Variants in ADAM12 observed in about 807,000 individuals in gnomAD.
The protein encoded by ADAM12 is disintegrin and metalloproteinase domain-containing protein 12.
ADAM12 carries 70 observed loss-of-function variants against 106.4 expected under a neutral mutation model. The ratio of observed to expected loss-of-function variants is 0.66; its 90% CI spans 0.54 to 0.80. The LOEUF (loss-of-function observed/expected upper bound fraction) is 0.80, where lower values mean the gene tolerates loss of function less well. Ranked by LOEUF, ADAM12 falls within the 30% of genes least tolerant of loss-of-function variation. The probability of loss-of-function intolerance (pLI) is 0.00; values close to 1 mark genes in which losing one functional copy is unlikely to be tolerated. For synonymous variants in ADAM12, 420 were observed against 433.5 expected, an observed-to-expected ratio of 0.97 and a Z score of 0.39; for missense variants, 1,010 against 1,171.9, an observed-to-expected ratio of 0.86 and a Z score of 2.02.
intron 3 of ADAM12, among the ~76,000 whole-genome samples, chr10:126,219,506 T>C (rs1001623301): frequency 2.0e-5 from 3 of 152,212 alleles, no homozygotes; most frequent in Non-Finnish European, 4.4e-5. Flanking sequence ...CCACATTTTA[T>C]AGAGAAAAGG....
At chr10:126,257,671 T>C (rs1263837431) in intron 3 of ADAM12, among the ~76,000 whole-genome samples, 3 of 152,168 alleles carry the variant, frequency 2.0e-5, no homozygotes, top group Non-Finnish European at 4.4e-5. Flanking sequence ...AATCGCTTCA[T>C]GAAATAACTT....
At chr10:126,035,483 G>C (rs2133397031) in intron 21 of ADAM12, among the ~76,000 whole-genome samples, 1 of 152,206 alleles carries the variant, frequency 6.6e-6, no homozygotes, top group East Asian at 1.9e-4. Context: ...ATATAAAACT[G>C]TGTACAAATA....
chr10:126,357,501 T>C (rs1183979422), intron 1 of ADAM12, among the ~76,000 whole-genome samples: 2 of 152,198 alleles, frequency 1.3e-5, no homozygotes, highest in African/African-American at 4.8e-5. Flanking sequence ...CAGAACCTGA[T>C]GGCTTCTGTA....
At chr10:126,268,275 T>C (rs1959139624) in intron 3 of ADAM12, among the ~76,000 whole-genome samples, 1 of 152,266 alleles carries the variant, frequency 6.6e-6, no homozygotes, top group African/African-American at 2.4e-5. Context: ...CATAATGTCT[T>C]CAAAGTTCAT....
At chr10:126,119,606 T>C (rs1956048404) in intron 5 of ADAM12, among the ~76,000 whole-genome samples, 1 of 152,102 alleles carries the variant, frequency 6.6e-6, no homozygotes, top group South Asian at 2.1e-4. Flanking sequence ...GGAATGACAA[T>C]AACTAAGAAA....
chr10:126,182,075 G>A (rs1306195401), intron 3 of ADAM12, among the ~76,000 whole-genome samples: 3 of 152,230 alleles, frequency 2.0e-5, no homozygotes, highest in Non-Finnish European at 4.4e-5. Context: ...CACCGGCAAC[G>A]CAGTGCATCC....
At chr10:126,119,292 C>T (rs1420726198) in intron 5 of ADAM12, among the ~76,000 whole-genome samples, 1 of 152,126 alleles carries the variant, frequency 6.6e-6, no homozygotes, top group Admixed American at 6.6e-5. Flanking sequence ...GTGACCTTAA[C>T]TTTGAGCCCT....
At chr10:126,234,594 T>A (rs532011785) in intron 3 of ADAM12, among the ~76,000 whole-genome samples, 1 of 152,256 alleles carries the variant, frequency 6.6e-6, no homozygotes, top group African/African-American at 2.4e-5. Context: ...AGAGGTGCAG[T>A]GTAGTATCAA....
intron 3 of ADAM12, among the ~76,000 whole-genome samples, chr10:126,220,665 C>T (rs1958073614): frequency 6.6e-6 from 1 of 152,210 alleles, no homozygotes; most frequent in African/African-American, 2.4e-5. Context: ...CCTTAGTGTC[C>T]TCCCTTCTCT....
intron 1 of ADAM12, among the ~76,000 whole-genome samples, chr10:126,333,786 A>G (rs1195024812): frequency 6.6e-6 from 1 of 152,192 alleles, no homozygotes; most frequent in Admixed American, 6.5e-5. Context: ...CAGTATCTCA[A>G]TCCAAAAGGA....
chr10:126,379,116 T>C (rs900279238), intron 1 of ADAM12, among the ~76,000 whole-genome samples: 1 of 152,178 alleles, frequency 6.6e-6, no homozygotes, highest in Non-Finnish European at 1.5e-5. Context: ...GTTCAACCAT[T>C]GTGGAAGACA....
intron 5 of ADAM12, among the ~76,000 whole-genome samples, chr10:126,129,036 G>C (rs1345277854): frequency 6.6e-6 from 1 of 152,250 alleles, no homozygotes; most frequent in Non-Finnish European, 1.5e-5. Flanking sequence ...TAACTATGAT[G>C]ACAACCAGTC....
chr10:126,165,991 T>C (rs1461808428), intron 3 of ADAM12, among the ~76,000 whole-genome samples: 2 of 152,202 alleles, frequency 1.3e-5, no homozygotes, highest in East Asian at 3.8e-4. Flanking sequence ...TGTTTTCCCC[T>C]GGAATAAAAA....
intron 6 of ADAM12, among the ~76,000 whole-genome samples, chr10:126,110,871 G>T (rs981097914): frequency 6.6e-6 from 1 of 152,176 alleles, no homozygotes; most frequent in Non-Finnish European, 1.5e-5. Context: ...AGGAAGTGGG[G>T]GTTAAGTTGG....
chr10:126,294,355 A>G (rs1321327788), intron 2 of ADAM12, among the ~76,000 whole-genome samples: 1 of 152,222 alleles, frequency 6.6e-6, no homozygotes, highest in African/African-American at 2.4e-5. Flanking sequence ...TGAGGCTGGA[A>G]TGATCAGAAG....
At chr10:126,310,710 A>C (rs181511054) in intron 2 of ADAM12, among the ~76,000 whole-genome samples, 1 of 152,308 alleles carries the variant, frequency 6.6e-6, no homozygotes, top group Non-Finnish European at 1.5e-5. Context: ...ATTATGGATC[A>C]CTGGGTGGGA....
chr10:126,317,496 G>T (rs188940071), intron 2 of ADAM12, among the ~76,000 whole-genome samples: 2 of 152,298 alleles, frequency 1.3e-5, no homozygotes, highest in Non-Finnish European at 1.5e-5. Flanking sequence ...TTTAGAAAAG[G>T]GTCAATTTAA....
Position 126,300,172 on chromosome 10 carries a change from A to G in ADAM12, c.187-21184T>C, listed in dbSNP as rs190350242. On this transcript the variant is annotated intron_variant, in intron 2 of 22. Transcript: ENST00000448723. ...TTCAACCATTTAATGATGCTACCCA[A>G]ATCATACACAGCTACTGTCCTCTTG... Among the ~76,000 whole-genome samples the G allele has an allele frequency of 3.3e-5, 5 of 152,260 alleles. No individual in the cohort carries two copies. The East Asian group carries it at 9.6e-4, about 29-fold the overall frequency.
chr10:126,038,447 T>A (rs1954097583), intron 19 of ADAM12, 98 bp from the exon 20 acceptor site: 1 of 905,938 alleles, frequency 1.1e-6, no homozygotes, highest in Admixed American at 3.2e-5. Context: ...AAAGACAGTT[T>A]ACTTAACTCA....
Sources: gnomAD v4.1 joint callset for allele counts (sites outside exome capture counted in the v4.1 genomes callset) on GRCh38, gnomAD v4.1.1 for gene constraint, MANE v1.5 for transcripts, NCBI Gene and HGNC (gene_info 2026-07-23, HGNC 2026-07-21) for gene names.